The following DHX29 variants were observed in gnomAD, a reference collection of about 807,000 sequenced individuals.
The protein encoded by DHX29 is ATP-dependent RNA helicase DHX29.
Under a neutral mutation model 167.9 loss-of-function variants are expected in DHX29, and 79 were observed. The ratio of observed to expected loss-of-function variants is 0.47; its 90% CI spans 0.39 to 0.57. The LOEUF is 0.57. DHX29 is among the 20% of genes least tolerant of loss of function. The probability of loss-of-function intolerance (pLI) is 0.00; values close to 1 mark genes in which losing one functional copy is unlikely to be tolerated. For synonymous variants in DHX29, 530 were observed against 546.0 expected, an observed-to-expected ratio of 0.97 and a Z score of 0.41; for missense variants, 1,347 against 1,593.4, an observed-to-expected ratio of 0.85 and a Z score of 2.63.
intron 12 of DHX29, among the ~76,000 whole-genome samples, chr5:55,280,636 A>G (rs1747353994): frequency 6.6e-6 from 1 of 152,152 alleles, no homozygotes; most frequent in Non-Finnish European, 1.5e-5. Flanking sequence ...TATCTTAGTG[A>G]TAAGAGTGAA....
At chr5:55,265,636 T>C (rs932495275) in intron 23 of DHX29, among the ~76,000 whole-genome samples, 3 of 147,036 alleles carry the variant, frequency 2.0e-5, no homozygotes, top group African/African-American at 2.5e-5. Flanking sequence ...ATTTAAAGTG[T>C]GGGCCTTGTT....
chr5:55,282,058 T>A (rs1255571060), intron 11 of DHX29, among the ~76,000 whole-genome samples: 1 of 152,188 alleles, frequency 6.6e-6, no homozygotes, highest in Non-Finnish European at 1.5e-5. Flanking sequence ...AGTGCTAGGA[T>A]TATAGGCGTG....
At chr5:55,258,561 C>A (rs1746159757) in intron 26 of DHX29, among the ~76,000 whole-genome samples, 1 of 152,164 alleles carries the variant, frequency 6.6e-6, no homozygotes, top group Non-Finnish European at 1.5e-5. Flanking sequence ...TTGAGAAACA[C>A]TGCACTGGGC....
At chr5:55,264,185 G>C (rs931469653) in intron 23 of DHX29, among the ~76,000 whole-genome samples, 1 of 151,864 alleles carries the variant, frequency 6.6e-6, no homozygotes, top group African/African-American at 2.4e-5. Context: ...TTTTAAATAA[G>C]TATCAATAAA....
chr5:55,288,310 A>G (rs1409308451), intron 8 of DHX29, among the ~76,000 whole-genome samples: 1 of 151,942 alleles, frequency 6.6e-6, no homozygotes, highest in Admixed American at 6.6e-5. Flanking sequence ...TACTATAAAT[A>G]TTATCTGACA....
rs770860092 is a variant in DHX29 at position 55,307,458 on chromosome 5, T to G, written c.116A>C (p.Lys39Thr). ...EAGIAGEAQSKKPVSRPATAA... is the reference protein window; with the variant it reads ...EAGIAGEAQSTKPVSRPATAA... ...GGTGGCCGGCCTGGACACTGGCTTC[T>G]TGCTTTGGGCCTCCCCGGCAATTCC... Residue 39 changes from lysine (K) to threonine (T), a missense_variant, in exon 1 of 27, where the codon AAG becomes ACG. Physicochemically the swap from Lys to Thr is moderately conservative, Grantham distance 78. Coordinates refer to ENST00000251636, the MANE Select transcript of DHX29 (RefSeq NM_019030.4). 1 of 1,613,506 alleles carries G rather than the reference T, an allele frequency of 6.2e-7. No homozygotes were observed. The highest frequency in any genetic ancestry group is 8.5e-7 in the Non-Finnish European group (1 of 1,179,958).
chr5:55,280,150 T>G (rs1425126396), intron 12 of DHX29, among the ~76,000 whole-genome samples: 2 of 152,180 alleles, frequency 1.3e-5, no homozygotes, highest in Non-Finnish European at 2.9e-5. Context: ...CAATAAATAC[T>G]TAACATGACG....
chr5:55,299,559 T>G (rs1398795472), intron 1 of DHX29, among the ~76,000 whole-genome samples: 1 of 152,124 alleles, frequency 6.6e-6, no homozygotes, highest in East Asian at 1.9e-4. Flanking sequence ...AGGACCATGC[T>G]CTCTCTGAAG....
At chr5:55,272,877 T>C (rs977253703) in intron 17 of DHX29, among the ~76,000 whole-genome samples, 2 of 152,204 alleles carry the variant, frequency 1.3e-5, no homozygotes, top group Non-Finnish European at 2.9e-5. Context: ...CTCTGTTACT[T>C]ATTAGCTTTG....
chr5:55,265,682 A>G (rs984013402), intron 23 of DHX29, among the ~76,000 whole-genome samples: 2 of 151,880 alleles, frequency 1.3e-5, no homozygotes, highest in Non-Finnish European at 2.9e-5. Flanking sequence ...AAAAAAAAAA[A>G]AAAGCCAGTA....
intron 23 of DHX29, among the ~76,000 whole-genome samples, chr5:55,264,192 TAAA>T (rs1387063600): frequency 2.6e-5 from 4 of 152,016 alleles, no homozygotes; most frequent in Admixed American, 2.6e-4. Context: ...TAAGTATCAA[TAAA>T]AAAACAAAAA....
At chr5:55,268,566 A>C (rs1378154549) in intron 21 of DHX29, among the ~76,000 whole-genome samples, 3 of 152,082 alleles carry the variant, frequency 2.0e-5, no homozygotes, top group Non-Finnish European at 2.9e-5. Flanking sequence ...CTGGGTCTAC[A>C]GGGGTGCACC....
rs1746747074 is a variant in DHX29, at chr5:55,269,510, A to G, written c.3197T>C (p.Leu1066Pro). The change falls in exon 21 of 27, where the codon CTG becomes CCG. Residue 1066 changes from leucine to proline, a missense_variant. This residue lies in a region of DHX29 where 882 missense variants were observed against 1,082.4 expected (regional missense o/e 0.81). Coordinates refer to ENST00000251636, the MANE Select transcript of DHX29 (RefSeq NM_019030.4). The part of the protein sequence containing the change: ...IGACELNEPK[L>P]TPLGQHLAAL... ...TGCAAGGTGTTGGCCCAACGGAGTC[A>G]GTTTAGGCTCATTTAATTCACAAGC... 6.2e-7 allele frequency: 1 copy of G among 1,614,178 alleles called. No homozygotes were observed. Among genetic ancestry groups the G allele is most frequent in the Non-Finnish European group, 8.5e-7 (1 of 1,180,028 alleles).
chr5:55,267,894 G>T lies in DHX29; in HGVS notation c.3295-72C>A, dbSNP rs535227102. 6.7e-4 allele frequency: 808 copies of T among 1,197,706 alleles called. 16 individuals are homozygous for T. The South Asian group carries it at 0.017, about 25-fold the overall frequency. The allele number at this position is 1,197,706 out of a possible 1,614,324, so 74.2% of individuals were successfully genotyped here. On this transcript the variant is annotated intron_variant, in intron 21 of 26. Coordinates refer to ENST00000251636, the MANE Select transcript of DHX29 (RefSeq NM_019030.4). Reference sequence around the variant, plus strand: ...ATACAGTGAAAGTTAACTTATAAAAGAAAGCAAATCATAAAACAATCACAC... The same window carrying T: ...ATACAGTGAAAGTTAACTTATAAAATAAAGCAAATCATAAAACAATCACAC...
chr5:55,285,697 T>A lies in DHX29; in HGVS notation c.1231A>T (p.Arg411Trp). ...KVPVGRYWKC[R>W]VRVIKSEDDV... ...AAACAACAACAACAAAAAACATACC[T>A]ACATTTCCAGTATCTACCTACTGGA... The change falls in exon 9 of 27, where the codon AGG (arginine) becomes TGG (tryptophan). Residue 411 changes from arginine (R) to tryptophan (W), a missense_variant and splice_region_variant. By Grantham distance (101) the Arg-to-Trp change is moderately radical. This residue lies in a region of DHX29 where 60 missense variants were observed against 94.2 expected (regional missense o/e 0.64). Coordinates refer to ENST00000251636, the MANE Select transcript of DHX29 (RefSeq NM_019030.4). The A allele has an allele frequency of 6.4e-7, 1 of 1,555,580 alleles. No homozygotes were observed. The highest frequency in any genetic ancestry group is 8.7e-7 in the Non-Finnish European group (1 of 1,149,958).
intron 10 of DHX29, 124 bp from the exon 11 acceptor site, chr5:55,283,935 T>C (rs549357169): frequency 1.4e-6 from 1 of 707,896 alleles, no homozygotes; most frequent in African/African-American, 1.8e-5. Context: ...TATTATTACT[T>C]TAATATATGT....
At chr5:55,302,111 T>C (rs540341056) in intron 1 of DHX29, among the ~76,000 whole-genome samples, 2 of 152,332 alleles carry the variant, frequency 1.3e-5, no homozygotes, top group South Asian at 4.1e-4. Context: ...GTTAGTTTCC[T>C]TATCGTCTAG....
intron 16 of DHX29, 136 bp downstream of exon 16, chr5:55,274,478 G>GA (rs1747007255): frequency 6.6e-6 from 4 of 608,180 alleles, no homozygotes; most frequent in Admixed American, 7.2e-5. Context: ...AGTGTTTAAA[G>GA]AAAAAAATCT....
Position 55,297,382 on chromosome 5 carries a change from T to A in DHX29, c.278A>T (p.Lys93Ile). The part of the protein sequence containing the change: ...KSILKVVINN[K>I]LEQRIIGVIN... ...CACTCCAATAATTCTTTGCTCTAGT[T>A]TGTTATTAATTACCACCTGTTGAGG... is the stretch of plus-strand genomic sequence containing the variant. The change falls in exon 3 of 27, where the codon AAA (lysine) becomes ATA (isoleucine). Residue 93 changes from lysine (K) to isoleucine (I), a missense_variant. Transcript: ENST00000251636. 1 of 1,460,030 alleles carries A rather than the reference T, an allele frequency of 6.8e-7. No individual in the cohort carries two copies. The highest frequency in any genetic ancestry group is 1.2e-5 in the South Asian group (1 of 85,688). 90.4% of individuals were successfully genotyped at this position (1,460,030 alleles called of 1,614,324 possible).
Sources: allele counts gnomAD v4.1 joint callset (sites outside exome capture counted in the v4.1 genomes callset), GRCh38; gene constraint gnomAD v4.1.1; regional missense constraint gnomAD v4.1.1; transcripts MANE v1.5; gene names NCBI Gene and HGNC (gene_info 2026-07-23, HGNC 2026-07-21).